The following ECHDC2 variants were observed in gnomAD, a reference collection of about 807,000 sequenced individuals.
The protein encoded by ECHDC2 is enoyl-CoA hydratase domain containing 2.
Under a neutral mutation model 40.6 loss-of-function variants are expected in ECHDC2, and 34 were observed. The observed-to-expected ratio is 0.84, with a 90% CI of 0.64 to 1.11. The LOEUF (loss-of-function observed/expected upper bound fraction) is 1.11. ECHDC2 is among the 50% of genes most tolerant of loss of function. The probability of loss-of-function intolerance (pLI) is 0.00; values close to 1 mark genes in which losing one functional copy is unlikely to be tolerated. For synonymous variants in ECHDC2, 162 were observed against 166.6 expected (o/e 0.97, Z 0.21); for missense variants, 392 against 400.7 (o/e 0.98, Z 0.19).
chr1:52,919,551 C>T (rs1263517579), intron 1 of ECHDC2, among the ~76,000 whole-genome samples: 1 of 152,162 alleles, frequency 6.6e-6, no homozygotes. Flanking sequence ...ATGCATTTCT[C>T]AGAATGTAGC....
intron 1 of ECHDC2, chr1:52,917,455 G>A (rs1650963703): frequency 2.3e-5 from 10 of 430,760 alleles, no homozygotes; most frequent in South Asian, 1.5e-4. Context: ...AGCAGAGCAG[G>A]GGAGTTCCAA....
At chr1:52,905,168 C>G (rs1647456732) in intron 5 of ECHDC2, 78 bp from the exon 6 acceptor site, 1 of 1,495,950 alleles carries the variant, frequency 6.7e-7, no homozygotes, top group Non-Finnish European at 9.2e-7. Context: ...ACAGCTGCCT[C>G]TGCTGTCTAC....
intron 1 of ECHDC2, among the ~76,000 whole-genome samples, chr1:52,912,454 C>T (rs575715794): frequency 1.1e-4 from 17 of 152,134 alleles, no homozygotes; most frequent in Non-Finnish European, 2.2e-4. Flanking sequence ...GCAATCTGCC[C>T]GCCTCGGCCT....
intron 1 of ECHDC2, chr1:52,912,199 G>A: frequency 3.8e-6 from 1 of 264,644 alleles, no homozygotes; most frequent in Non-Finnish European, 6.1e-6. Context: ...TGGCGGGGGA[G>A]AGTTTTGCTG....
intron 7 of ECHDC2, among the ~76,000 whole-genome samples, chr1:52,904,293 T>C (rs922884855): frequency 6.6e-6 from 1 of 152,208 alleles, no homozygotes; most frequent in Non-Finnish European, 1.5e-5. Context: ...GTGGCTAGTG[T>C]GAATGAGGAA....
chr1:52,907,785 CCTT>C (rs1199486129), intron 4 of ECHDC2, 80 bp downstream of exon 4: 3 of 1,190,008 alleles, frequency 2.5e-6, no homozygotes, highest in Non-Finnish European at 3.7e-6. Flanking sequence ...AGAAGACTCT[CCTT>C]AGATGCTGGT....
At chr1:52,917,589 C>G (rs766526313) in intron 1 of ECHDC2, 27 of 456,066 alleles carry the variant, frequency 5.9e-5, no homozygotes, top group South Asian at 4.2e-4. Context: ...GAAAGGTCAG[C>G]TTGTGGTGGA....
Position 52,911,793 on chromosome 1 carries a change from G to T in ECHDC2, c.122-3C>A. The T allele has an allele frequency of 6.2e-7, 1 of 1,613,860 alleles. No homozygotes were observed. Among genetic ancestry groups the T allele is most frequent in the African/African-American group, 1.3e-5 (1 of 75,026 alleles). ...GTTCATCAGAATCTCAGTGATCCCT[G>T]TAAGGAGTCAGGGCAGCCACGGGAA... is the stretch of plus-strand genomic sequence containing the variant. On this transcript the variant is annotated splice_region_variant and splice_polypyrimidine_tract_variant and intron_variant, in intron 1 of 9. Coordinates refer to ENST00000371522, the MANE Select transcript of ECHDC2 (RefSeq NM_001198961.2).
At chr1:52,899,371 C>T (rs1646843981) in intron 7 of ECHDC2, 147 bp from the exon 8 acceptor site, 1 of 687,630 alleles carries the variant, frequency 1.5e-6, no homozygotes, top group Non-Finnish European at 2.5e-6. Context: ...AGCGTTAGTC[C>T]TATAACCTGT....
intron 1 of ECHDC2, chr1:52,912,209 GTTT>G (rs34670458): frequency 4.0e-4 from 63 of 157,000 alleles, no homozygotes; most frequent in South Asian, 1.1e-3. Flanking sequence ...GAGTTTTGCT[GTTT>G]TTTTTTTTTT....
At chr1:52,920,356 A>T (rs1016095834) in intron 1 of ECHDC2, 56 of 673,122 alleles carry the variant, frequency 8.3e-5, no homozygotes, top group Non-Finnish European at 1.1e-4. Flanking sequence ...ACTTGTTGTC[A>T]AGCCGGTAAA....
chr1:52,899,101 G>A, intron 8 of ECHDC2, 73 bp downstream of exon 8: 1 of 1,481,780 alleles, frequency 6.7e-7, no homozygotes, highest in Non-Finnish European at 9.4e-7. Context: ...TGTGCTGTCT[G>A]AGCTCTGAAA....
chr1:52,912,152 C>A, intron 1 of ECHDC2: 2 of 544,482 alleles, frequency 3.7e-6, no homozygotes, highest in Non-Finnish European at 4.9e-6. Flanking sequence ...TTTAATTTTA[C>A]AACTCCCTCC....
chr1:52,897,058 A>G (rs113950446), intron 9 of ECHDC2: 14 of 336,794 alleles, frequency 4.2e-5, no homozygotes, highest in Non-Finnish European at 6.6e-5. Context: ...GTCAGTCCCA[A>G]GTGTACAGCC....
chr1:52,897,875 T>C, intron 8 of ECHDC2: 1 of 315,514 alleles, frequency 3.2e-6, no homozygotes, highest in Non-Finnish European at 6.2e-6. Context: ...CAAGGGTTAG[T>C]ATCCCTATTC....
chr1:52,911,453 G>T, intron 3 of ECHDC2, 113 bp downstream of exon 3: 1 of 1,011,000 alleles, frequency 9.9e-7, no homozygotes, highest in South Asian at 1.4e-5. Context: ...CATTCACATC[G>T]GTAAAATGGC....
Position 52,896,224 on chromosome 1 carries a change from CAG to C in ECHDC2, c.*294_*295del, listed in dbSNP as rs914903877. On this transcript the variant is annotated 3_prime_UTR_variant, in exon 10 of 10. Transcript: ENST00000371522. ...GCTGAGAGCCAATGATACCAAGACT[CAG>C]AGAGATCTAATTTAATTCTTTATCA... 1 of 361,506 alleles carries C rather than the reference CAG, an allele frequency of 2.8e-6. No homozygotes were observed. Among genetic ancestry groups the C allele is most frequent in the Non-Finnish European group, 5.3e-6 (1 of 188,554 alleles). The allele number at this position is 361,506 out of a possible 1,614,324, so 22.4% of individuals were successfully genotyped here.
intron 1 of ECHDC2, chr1:52,913,633 A>C (rs1437732078): frequency 6.6e-6 from 1 of 152,338 alleles, no homozygotes; most frequent in East Asian, 1.9e-4. Flanking sequence ...GGTCACAGCA[A>C]AATGGAGTGG....
intron 1 of ECHDC2, chr1:52,912,063 A>G: frequency 7.2e-7 from 1 of 1,380,372 alleles, no homozygotes; most frequent in Non-Finnish European, 9.4e-7. Flanking sequence ...TGACTACCAC[A>G]GTAGCCCTTG....
Sources: gnomAD v4.1 joint callset for allele counts (sites outside exome capture counted in the v4.1 genomes callset) on GRCh38, gnomAD v4.1.1 for gene constraint, MANE v1.5 for transcripts, NCBI Gene and HGNC (gene_info 2026-07-23, HGNC 2026-07-21) for gene names.